Variants in CCDC3 observed in about 807,000 individuals in gnomAD.
CCDC3 encodes the protein coiled-coil domain containing 3.
Under a neutral mutation model 21.4 loss-of-function variants are expected in CCDC3, and 24 were observed. That is an observed-to-expected ratio of 1.12 (90% CI 0.81 to 1.58). The LOEUF (loss-of-function observed/expected upper bound fraction) is 1.58. Ranked by LOEUF, CCDC3 falls within the 40% of genes most tolerant of loss-of-function variation. CCDC3 has a pLI of 0.00. For synonymous variants in CCDC3, 186 were observed against 166.0 expected (o/e 1.12, Z -0.93); for missense variants, 425 against 360.9 (o/e 1.18, Z -1.44).
At chr10:13,002,171 A>C (rs931468058), upstream of CCDC3, among the ~76,000 whole-genome samples, 1 of 152,206 alleles carries the variant, frequency 6.6e-6, no homozygotes, top group Non-Finnish European at 1.5e-5. Context: ...TTTAATGAAG[A>C]TCTTAGAAAA....
Position 12,965,776 on chromosome 10 carries a change from C to T in CCDC3, c.549+32562G>A, listed in dbSNP as rs533206981. Among the ~76,000 whole-genome samples the T allele has an allele frequency of 1.8e-4, 27 of 152,294 alleles. No individual in the cohort carries two copies. The South Asian group carries it at 5.6e-3, about 32-fold the overall frequency. ...TTGGAATTTTCTGTCTATAAGGAGA[C>T]ATCATGCAAGACAGAATGCCAAGTT... On this transcript the variant is annotated intron_variant, in intron 2 of 2. Transcript: ENST00000378825.
At chr10:13,036,715 C>T (rs1022252404) in intron 5 of CCDC3, among the ~76,000 whole-genome samples, 2 of 152,028 alleles carry the variant, frequency 1.3e-5, no homozygotes, top group South Asian at 2.1e-4. Flanking sequence ...GAACTCCTGA[C>T]CTCAGGTGAT....
intron 5 of CCDC3, among the ~76,000 whole-genome samples, chr10:13,014,308 G>A (rs1423811816): frequency 6.6e-6 from 1 of 151,650 alleles, no homozygotes; most frequent in Non-Finnish European, 1.5e-5. Context: ...AAATTAGCCA[G>A]GCGTGGTGGC....
intron 2 of CCDC3, among the ~76,000 whole-genome samples, chr10:12,916,049 G>T (rs1564281974): frequency 6.6e-6 from 1 of 152,074 alleles, no homozygotes; most frequent in East Asian, 1.9e-4. Context: ...GCACTCGATT[G>T]TCCTGGGACA....
intron 5 of CCDC3, among the ~76,000 whole-genome samples, chr10:13,048,438 C>T (rs1246763566): frequency 1.3e-5 from 2 of 152,094 alleles, no homozygotes; most frequent in Admixed American, 6.6e-5. Flanking sequence ...GTGATCTGCC[C>T]ACCTCGGCCT....
At chr10:13,098,084 C>T (rs928756710) in intron 3 of CCDC3, among the ~76,000 whole-genome samples, 1 of 152,066 alleles carries the variant, frequency 6.6e-6, no homozygotes, top group African/African-American at 2.4e-5. Context: ...AAGTGGTTGT[C>T]GGGGGAGTGT....
At chr10:12,978,607 A>T (rs891136883) in intron 2 of CCDC3, among the ~76,000 whole-genome samples, 4 of 152,060 alleles carry the variant, frequency 2.6e-5, no homozygotes, top group African/African-American at 9.7e-5. Context: ...CAGGAGGCCA[A>T]CCTGGGGTCT....
chr10:13,032,830 C>T (rs1406308986), intron 5 of CCDC3, among the ~76,000 whole-genome samples: 6 of 152,066 alleles, frequency 3.9e-5, no homozygotes, highest in East Asian at 3.9e-4. Context: ...CACTGCTGAA[C>T]GAAATAAAAG....
intron 2 of CCDC3, among the ~76,000 whole-genome samples, chr10:12,966,278 G>GGTGCTCAGTTACCAGCCTT (rs1385201578): frequency 1.3e-5 from 2 of 151,784 alleles, no homozygotes; most frequent in African/African-American, 2.4e-5. Context: ...ATTACTATAT[G>GGTGCTCAGTTACCAGCCTT]AGCAAGGTTG....
At position 12,937,256 on chromosome 10, in the gene CCDC3, A is replaced by G. The variant is rs1284526956; in HGVS notation, c.550-38577T>C. On this transcript the variant is annotated intron_variant, in intron 2 of 2. Transcript: ENST00000378825. ...CTGTATTTTCCCGTTTGACTGATCT[A>G]AGAGGAGCTTGTGACTTCTCAGCCC... is the stretch of plus-strand genomic sequence containing the variant. 1.3e-5 allele frequency among the ~76,000 whole-genome samples: 2 copies of G among 152,128 alleles called. 1 individual carries two copies. The highest frequency in any genetic ancestry group is 1.3e-4 in the Admixed American group (2 of 15,270).
At position 13,080,459 on chromosome 10, in the gene CCDC3, A is replaced by T. The variant is rs538531093; in HGVS notation, c.-502-6359T>A. Among the ~76,000 whole-genome samples the T allele has an allele frequency of 9.8e-5, 15 of 152,374 alleles. No homozygotes were observed. In the South Asian group the frequency reaches 2.5e-3, roughly 25 times the overall value. On this transcript the variant is annotated intron_variant, in intron 3 of 6. Coordinates refer to the CCDC3 transcript ENST00000378839. ...TCCTGAATGTAAAACTATTAAAGGA[A>T]CAGTTTATGTGCAAGATATGTAAGG...
chr10:12,953,088 A>AG (rs1413053739), intron 2 of CCDC3, among the ~76,000 whole-genome samples: 1 of 107,734 alleles, frequency 9.3e-6, no homozygotes, highest in Non-Finnish European at 2.5e-5. Flanking sequence ...TAATTTATAC[A>AG]GGAAAAAAAA....
intron 5 of CCDC3, among the ~76,000 whole-genome samples, chr10:13,010,222 T>G (rs529674184): frequency 6.6e-6 from 1 of 152,198 alleles, no homozygotes; most frequent in South Asian, 2.1e-4. Flanking sequence ...CACTCCAGCC[T>G]GGGTGACAGA....
chr10:13,024,861 GTTCT>G (rs1836195443), intron 5 of CCDC3, among the ~76,000 whole-genome samples: 1 of 152,120 alleles, frequency 6.6e-6, no homozygotes, highest in Non-Finnish European at 1.5e-5. Context: ...CATAACTTGG[GTTCT>G]CTTTCCTCCG....
At chr10:12,956,311 G>T (rs1182250293) in intron 2 of CCDC3, among the ~76,000 whole-genome samples, 3 of 152,180 alleles carry the variant, frequency 2.0e-5, no homozygotes, top group Non-Finnish European at 4.4e-5. Context: ...ACACTCTTCA[G>T]ACCAATCTTC....
intron 4 of CCDC3, among the ~76,000 whole-genome samples, chr10:13,059,402 G>T (rs1297171462): frequency 5.3e-5 from 8 of 152,144 alleles, no homozygotes; most frequent in Non-Finnish European, 8.8e-5. Context: ...GAGTATCTTT[G>T]TTACAGCAAC....
intron 4 of CCDC3, among the ~76,000 whole-genome samples, chr10:13,063,960 G>T (rs958773218): frequency 6.6e-6 from 1 of 151,692 alleles, no homozygotes; most frequent in Admixed American, 6.6e-5. Context: ...ACATTGTCTC[G>T]CTCTGTCGTC....
intron 4 of CCDC3, among the ~76,000 whole-genome samples, chr10:13,056,207 G>T (rs759543659): frequency 6.6e-6 from 1 of 152,150 alleles, no homozygotes; most frequent in South Asian, 2.1e-4. Context: ...CAAGGTGGTC[G>T]CAATTCCACC....
rs114907070 is a variant in CCDC3 at position 12,933,753 on chromosome 10, C to G, written c.550-35074G>C. On this transcript the variant is annotated intron_variant, in intron 2 of 2. Coordinates refer to ENST00000378825, the MANE Select transcript of CCDC3 (RefSeq NM_031455.4). ...GATTACAGGTGTGAGCCACTGTGCC[C>G]GGCCATAATATTCTTTTATTATCCT... Among the ~76,000 whole-genome samples, 3 of 152,232 alleles carry G rather than the reference C, an allele frequency of 2.0e-5. No homozygotes were observed. In the South Asian group the frequency reaches 6.2e-4, roughly 32 times the overall value.
Sources: gnomAD v4.1 joint callset for allele counts (sites outside exome capture counted in the v4.1 genomes callset) on GRCh38, gnomAD v4.1.1 for gene constraint, MANE v1.5 for transcripts, NCBI Gene and HGNC (gene_info 2026-07-23, HGNC 2026-07-21) for gene names.